LRCH3: variants seen among roughly 807,000 people sequenced by gnomAD.
LRCH3 encodes the protein DISP complex protein LRCH3.
Under a neutral mutation model 104.5 loss-of-function variants are expected in LRCH3, and 68 were observed. The observed-to-expected ratio is 0.65, with a 90% CI of 0.54 to 0.80. LRCH3 has a LOEUF of 0.80. LRCH3 is among the 30% of genes least tolerant of loss of function. LRCH3 has a pLI of 0.00. For missense variants in LRCH3, 951 were observed against 953.9 expected, an observed-to-expected ratio of 1.00 and a Z score of 0.04; for synonymous variants, 344 against 361.3, an observed-to-expected ratio of 0.95 and a Z score of 0.54.
intron 20 of LRCH3, chr3:197,882,030 A>G (rs1713815046): frequency 1.0e-6 from 1 of 985,312 alleles, no homozygotes; most frequent in Non-Finnish European, 1.2e-6. Flanking sequence ...GGTTGGTTAT[A>G]TTTTTAAGAT....
rs532441554 is a variant in LRCH3 at position 197,872,739 on chromosome 3, C to T, written c.2130+1277C>T. 2.4e-4 allele frequency among the ~76,000 whole-genome samples: 37 copies of T among 152,230 alleles called. No individual in the cohort carries two copies. In the South Asian group the frequency reaches 7.7e-3, roughly 32 times the overall value. On this transcript the variant is annotated intron_variant, in intron 19 of 20. Coordinates refer to ENST00000425562, the MANE Select transcript of LRCH3 (RefSeq NM_001365715.1). ...GGAGTGGTTCATACATCTGTAATCC[C>T]AGCTACTTGGGAGGCTGAGCCAGGA...
intron 19 of LRCH3, among the ~76,000 whole-genome samples, chr3:197,872,120 G>A (rs930718750): frequency 6.6e-6 from 1 of 152,136 alleles, no homozygotes; most frequent in African/African-American, 2.4e-5. Flanking sequence ...CAATTTGGGA[G>A]GCCGAGGCAG....
chr3:197,848,672 G>C (rs192090088), intron 12 of LRCH3, among the ~76,000 whole-genome samples: 20 of 152,268 alleles, frequency 1.3e-4, no homozygotes, highest in Non-Finnish European at 2.4e-4. Flanking sequence ...AACCATGTCT[G>C]TTTTACTTAC....
In LRCH3 at chr3:197,887,774, G is replaced by A. The variant is rs1203185073; in HGVS notation, c.*4108G>A. The A allele has an allele frequency of 6.8e-6, 1 of 146,714 alleles. No homozygotes were observed. The highest frequency in any genetic ancestry group is 1.5e-5 in the Non-Finnish European group (1 of 67,670). The allele number at this position is 146,714 out of a possible 1,614,324, so 9.1% of individuals were successfully genotyped here. ...AGCAGAGCCCTTCCCATCACTGACA[G>A]TGTCTGGGGCTGAGAGCCCCCCCTA... is the stretch of plus-strand genomic sequence containing the variant. On this transcript the variant is annotated 3_prime_UTR_variant, in exon 21 of 21. Coordinates refer to ENST00000425562, the MANE Select transcript of LRCH3 (RefSeq NM_001365715.1).
intron 12 of LRCH3, 91 bp downstream of exon 12, chr3:197,848,112 A>G: frequency 2.3e-6 from 3 of 1,315,696 alleles, no homozygotes; most frequent in African/African-American, 1.5e-5. Context: ...GTCCATTAAA[A>G]TGTCGACCAT....
At chr3:197,823,909 A>G (rs972163029) in intron 4 of LRCH3, among the ~76,000 whole-genome samples, 11 of 152,164 alleles carry the variant, frequency 7.2e-5, no homozygotes, top group Non-Finnish European at 1.3e-4. Flanking sequence ...TCACCATACC[A>G]TGCCTTTACT....
In LRCH3 at chr3:197,880,120, T is replaced by C. The variant is rs1292535575; in HGVS notation, c.2209-3421T>C. ...GCCACCACGCCCGGCTAATTTTTTG[T>C]ATTTTTAGTAAAGACGGGGTTTCAC... On this transcript the variant is annotated intron_variant, in intron 20 of 20. Transcript: ENST00000425562. Among the ~76,000 whole-genome samples, 3 of 150,994 alleles carry C rather than the reference T, an allele frequency of 2.0e-5. No individual in the cohort carries two copies. The East Asian group carries it at 5.8e-4, about 29-fold the overall frequency.
At chr3:197,845,213 AGCCTGGGCAACAT>A (rs1738476534) in intron 10 of LRCH3, among the ~76,000 whole-genome samples, 1 of 152,068 alleles carries the variant, frequency 6.6e-6, no homozygotes, top group Non-Finnish European at 1.5e-5. Context: ...GTTCAAGACC[AGCCTGGGCAACAT>A]GGCGAAACCC....
intron 1 of LRCH3, among the ~76,000 whole-genome samples, chr3:197,813,673 GGTGT>G (rs1234822594): frequency 6.6e-6 from 1 of 151,752 alleles, no homozygotes; most frequent in East Asian, 1.9e-4. Flanking sequence ...TGGGATTACA[GGTGT>G]GTGCCACCAT....
rs1249039424 is a variant in LRCH3 at position 197,839,149 on chromosome 3, A to C, written c.1252-172A>C. On this transcript the variant is annotated intron_variant, in intron 9 of 20. Coordinates refer to ENST00000425562, the MANE Select transcript of LRCH3 (RefSeq NM_001365715.1). ...GGATTGTGAATGTTTTTGTTTATTA[A>C]AGCAGCAGTATAGCATATGATGCTT... Among the ~76,000 whole-genome samples, 5 of 152,232 alleles carry C rather than the reference A, an allele frequency of 3.3e-5. No individual in the cohort carries two copies. Among genetic ancestry groups the C allele is most frequent in the African/African-American group, 7.2e-5 (3 of 41,462 alleles).
chr3:197,797,497 G>A (rs969877649), intron 1 of LRCH3, among the ~76,000 whole-genome samples: 1 of 152,058 alleles, frequency 6.6e-6, no homozygotes, highest in African/African-American at 2.4e-5. Context: ...GGTGGAAAGA[G>A]GAATCAGTCT....
intron 20 of LRCH3, among the ~76,000 whole-genome samples, chr3:197,877,562 A>G (rs11715966): frequency 0.11 from 10,464 of 91,196 alleles, 881 homozygotes; most frequent in East Asian, 0.21. Context: ...CGCACCCATG[A>G]CAGTGATTCT....
intron 1 of LRCH3, among the ~76,000 whole-genome samples, chr3:197,800,586 A>C (rs1731769789): frequency 6.6e-6 from 1 of 152,214 alleles, no homozygotes; most frequent in Non-Finnish European, 1.5e-5. Flanking sequence ...TTGGTGCCTC[A>C]ACTTTGAAAA....
Position 197,839,308 on chromosome 3 carries a change from T to C in LRCH3, c.1252-13T>C, listed in dbSNP as rs760073358. ...AATATACTAAATTTATTTATTTCTG[T>C]CCTCTGGCCTAGGGTTCACCAGTAA... On this transcript the variant is annotated splice_polypyrimidine_tract_variant and intron_variant, in intron 9 of 20. Coordinates refer to ENST00000425562, the MANE Select transcript of LRCH3 (RefSeq NM_001365715.1). 1 of 1,556,324 alleles carries C rather than the reference T, an allele frequency of 6.4e-7. No homozygotes were observed. Among genetic ancestry groups the C allele is most frequent in the South Asian group, 1.2e-5 (1 of 83,172 alleles).
intron 14 of LRCH3, 156 bp from the exon 15 acceptor site, chr3:197,858,678 A>G (rs143793516): frequency 7.5e-6 from 5 of 667,186 alleles, no homozygotes; most frequent in Admixed American, 2.4e-5. Context: ...TTGTCCCCCA[A>G]ATATTCTCTT....
At chr3:197,835,270 G>A (rs1245292689) in intron 8 of LRCH3, among the ~76,000 whole-genome samples, 1 of 151,830 alleles carries the variant, frequency 6.6e-6, no homozygotes, top group Non-Finnish European at 1.5e-5. Flanking sequence ...CGTAACTTCT[G>A]TCTCCCGGGT....
At chr3:197,823,856 T>C (rs1270190918) in intron 4 of LRCH3, among the ~76,000 whole-genome samples, 3 of 152,154 alleles carry the variant, frequency 2.0e-5, no homozygotes, top group African/African-American at 7.2e-5. Flanking sequence ...TTATGTCAGC[T>C]TCCTATTGTG....
At chr3:197,825,579 A>C (rs1218675895) in intron 4 of LRCH3, among the ~76,000 whole-genome samples, 12 of 133,476 alleles carry the variant, frequency 9.0e-5, no homozygotes, top group Admixed American at 8.8e-4. Flanking sequence ...TCCCGGGTTC[A>C]CGCCATTCTC....
At position 197,791,325 on chromosome 3, in the gene LRCH3, C is replaced by G. The variant is rs757406822; in HGVS notation, c.47C>G (p.Ser16Cys). ...LVAVAAAAEY[S>C]GTVASGGNLP... ...GCTGTGGCAGCGGCTGCCGAGTACT[C>G]TGGCACGGTAGCGTCGGGAGGTAAC... The change falls in exon 1 of 21, where the codon TCT (serine) becomes TGT (cysteine). Residue 16 changes from serine (S) to cysteine (C), a missense_variant. By Grantham distance (112) the Ser-to-Cys change is moderately radical (BLOSUM62 -1). Transcript: ENST00000425562. The G allele has an allele frequency of 6.2e-7, 1 of 1,609,594 alleles. No individual in the cohort carries two copies. The highest frequency in any genetic ancestry group is 8.5e-7 in the Non-Finnish European group (1 of 1,178,914).
Sources: allele counts gnomAD v4.1 joint callset (sites outside exome capture counted in the v4.1 genomes callset), GRCh38; gene constraint gnomAD v4.1.1; transcripts MANE v1.5; gene names NCBI Gene and HGNC (gene_info 2026-07-23, HGNC 2026-07-21).